Variants in RAB5A observed in about 807,000 individuals in gnomAD.
The protein encoded by RAB5A is ras-related protein Rab-5A.
A neutral mutation model predicts 25.7 loss-of-function variants in RAB5A; 8 were observed. The observed-to-expected ratio is 0.31, with a 90% CI of 0.18 to 0.56. The LOEUF is 0.56. RAB5A is among the 20% of genes least tolerant of loss of function. The pLI is 0.91. For synonymous variants in RAB5A, 98 were observed against 89.8 expected, an observed-to-expected ratio of 1.09 and a Z score of -0.52; for missense variants, 192 against 259.7, an observed-to-expected ratio of 0.74 and a Z score of 1.79.
chr3:19,983,300 C>T (rs1428045273), intron 5 of RAB5A, among the ~76,000 whole-genome samples: 1 of 146,312 alleles, frequency 6.8e-6, no homozygotes, highest in African/African-American at 2.6e-5. Context: ...CACGCCATTG[C>T]ACTCCAGCCT....
intron 2 of RAB5A, 166 bp from the exon 3 acceptor site, chr3:19,975,435 C>CT (rs201173280): frequency 6.0e-4 from 353 of 585,748 alleles, no homozygotes; most frequent in Non-Finnish European, 6.9e-4. Context: ...TAGGTGTTTT[C>CT]TTTTTTTTTC....
chr3:19,953,914 G>T (rs1696461544), intron 2 of RAB5A, among the ~76,000 whole-genome samples: 1 of 152,234 alleles, frequency 6.6e-6, no homozygotes. Context: ...TGATCAACCT[G>T]AAAGGGCCAT....
intron 2 of RAB5A, among the ~76,000 whole-genome samples, chr3:19,962,757 A>G (rs1696605667): frequency 6.6e-6 from 1 of 152,088 alleles, no homozygotes; most frequent in South Asian, 2.1e-4. Context: ...AATTTCTCAC[A>G]TATTCTGAGT....
chr3:19,951,135 G>A (rs1264083646), intron 2 of RAB5A, 74 bp downstream of exon 2: 1 of 1,523,088 alleles, frequency 6.6e-7, no homozygotes, highest in Admixed American at 1.8e-5. Flanking sequence ...TGTTCCAATT[G>A]TGTGATTATG....
chr3:19,981,837 C>T (rs1024505748), intron 5 of RAB5A, among the ~76,000 whole-genome samples: 2 of 152,004 alleles, frequency 1.3e-5, no homozygotes, highest in African/African-American at 2.4e-5. Context: ...CCACACTCAT[C>T]GGACTCAAAT....
At chr3:19,963,175 G>A (rs1343020921) in intron 2 of RAB5A, among the ~76,000 whole-genome samples, 1 of 152,100 alleles carries the variant, frequency 6.6e-6, no homozygotes, top group Non-Finnish European at 1.5e-5. Flanking sequence ...CTTTATAATA[G>A]TCACACTACT....
At chr3:19,979,450 AT>A (rs1484840343) in intron 5 of RAB5A, among the ~76,000 whole-genome samples, 2 of 147,146 alleles carry the variant, frequency 1.4e-5, no homozygotes, top group African/African-American at 2.5e-5. Flanking sequence ...TGCCCGACTA[AT>A]TTTTTTTGTA....
At chr3:19,948,724 T>C (rs2125176374) in intron 1 of RAB5A, among the ~76,000 whole-genome samples, 1 of 152,056 alleles carries the variant, frequency 6.6e-6, no homozygotes, top group African/African-American at 2.4e-5. Flanking sequence ...AAAGTCAAAG[T>C]GAAATCAGAA....
At chr3:19,969,195 C>T (rs1452593387) in intron 2 of RAB5A, among the ~76,000 whole-genome samples, 2 of 151,916 alleles carry the variant, frequency 1.3e-5, no homozygotes, top group Non-Finnish European at 1.5e-5. Context: ...CAGGCGCCCA[C>T]ATCCACGTCC....
intron 1 of RAB5A, among the ~76,000 whole-genome samples, chr3:19,948,850 A>G (rs1037135808): frequency 1.3e-5 from 2 of 152,188 alleles, no homozygotes; most frequent in East Asian, 3.8e-4. Flanking sequence ...TTCTTAAATA[A>G]AAAGACAAAT....
At chr3:19,956,536 G>A (rs910671298) in intron 2 of RAB5A, among the ~76,000 whole-genome samples, 1 of 152,188 alleles carries the variant, frequency 6.6e-6, no homozygotes, top group Non-Finnish European at 1.5e-5. Flanking sequence ...ATCTAAATTG[G>A]TTAGCATGGC....
At chr3:19,979,606 G>GT (rs1559493148) in intron 5 of RAB5A, among the ~76,000 whole-genome samples, 1 of 152,118 alleles carries the variant, frequency 6.6e-6, no homozygotes, top group Non-Finnish European at 1.5e-5. Context: ...TTAACTGATG[G>GT]TAATTGCTGT....
In RAB5A at chr3:19,984,577, C is replaced by T. The variant is rs890134387; in HGVS notation, c.*754C>T. On this transcript the variant is annotated 3_prime_UTR_variant, in exon 6 of 6. Coordinates refer to ENST00000273047, the MANE Select transcript of RAB5A (RefSeq NM_004162.5). ...GTGTCTGTGATTTCTAATTAATCAC[C>T]GCTGGCCATTACACAGGTTTTGTTG... The T allele has an allele frequency of 9.3e-5, 16 of 172,028 alleles. No individual in the cohort carries two copies. The highest frequency in any genetic ancestry group is 3.4e-4 in the African/African-American group (14 of 41,386). 10.7% of individuals were successfully genotyped at this position (172,028 alleles called of 1,614,324 possible).
intron 2 of RAB5A, among the ~76,000 whole-genome samples, chr3:19,952,377 G>T (rs1696436810): frequency 6.6e-6 from 1 of 152,184 alleles, no homozygotes; most frequent in Non-Finnish European, 1.5e-5. Context: ...AGGTATTCAT[G>T]TATATATTTT....
intron 3 of RAB5A, 112 bp downstream of exon 3, chr3:19,975,864 C>A: frequency 1.5e-6 from 2 of 1,342,678 alleles, no homozygotes; most frequent in Non-Finnish European, 2.0e-6. Flanking sequence ...GACCTTTCTG[C>A]TGAAGCTTTT....
At chr3:19,976,321 A>G in intron 4 of RAB5A, 152 bp downstream of exon 4, 1 of 853,956 alleles carries the variant, frequency 1.2e-6, no homozygotes, top group Admixed American at 3.7e-5. Context: ...ATATAATAAA[A>G]TGTTTCTGAT....
At chr3:19,972,830 C>G (rs1696769691) in intron 2 of RAB5A, among the ~76,000 whole-genome samples, 1 of 152,076 alleles carries the variant, frequency 6.6e-6, no homozygotes, top group South Asian at 2.1e-4. Context: ...ATGGTGGCCT[C>G]TTGTGTCTTT....
intron 2 of RAB5A, among the ~76,000 whole-genome samples, chr3:19,960,972 C>CTT (rs1696576317): frequency 1.3e-5 from 2 of 152,156 alleles, no homozygotes; most frequent in African/African-American, 4.8e-5. Context: ...AAAAACTGTT[C>CTT]TTTATCTTTG....
At chr3:19,980,659 C>A (rs1377832897) in intron 5 of RAB5A, among the ~76,000 whole-genome samples, 4 of 152,112 alleles carry the variant, frequency 2.6e-5, no homozygotes, top group Non-Finnish European at 4.4e-5. Context: ...CAATCTGGAA[C>A]CTAAGTTGTT....
Sources: gnomAD v4.1 joint callset for allele counts (sites outside exome capture counted in the v4.1 genomes callset) on GRCh38, gnomAD v4.1.1 for gene constraint, MANE v1.5 for transcripts, NCBI Gene and HGNC (gene_info 2026-07-23, HGNC 2026-07-21) for gene names.